AFF2: variants seen among roughly 807,000 people sequenced by gnomAD.
AFF2 encodes the protein ALF transcription elongation factor 2.
A neutral mutation model predicts 76.9 loss-of-function variants in AFF2; 14 were observed. The ratio of observed to expected loss-of-function variants is 0.18; its 90% CI spans 0.12 to 0.28. AFF2 has a LOEUF of 0.28. AFF2 is among the 10% of genes least tolerant of loss of function. AFF2 has a pLI of 1.00. For missense variants in AFF2, 868 were observed against 1,001.1 expected, an observed-to-expected ratio of 0.87 and a Z score of 1.79; for synonymous variants, 398 against 366.7, an observed-to-expected ratio of 1.09 and a Z score of -0.98.
intron 9 of AFF2, among the ~76,000 whole-genome samples, chrX:148,939,951 T>G (rs1381242698): frequency 3.6e-5 from 4 of 112,058 alleles, no homozygotes; most frequent in African/African-American, 1.3e-4. Flanking sequence ...CTGAAATGAG[T>G]ATTGAAATAT....
At chrX:148,865,759 A>G (rs1172683432) in intron 7 of AFF2, among the ~76,000 whole-genome samples, 1 of 111,938 alleles carries the variant, frequency 8.9e-6, no homozygotes, top group Non-Finnish European at 1.9e-5. Context: ...TTTCTTAGCC[A>G]GTGCACTGTA....
chrX:148,953,796 T>TC, intron 10 of AFF2, 57 bp downstream of exon 10: 1 of 894,924 alleles, frequency 1.1e-6, no homozygotes, highest in Non-Finnish European at 1.6e-6. Flanking sequence ...GGCAGCACCC[T>TC]CAACACACAC....
intron 1 of AFF2, among the ~76,000 whole-genome samples, chrX:148,549,310 T>G (rs185438049): frequency 1.8e-3 from 207 of 112,419 alleles, no homozygotes; most frequent in African/African-American, 6.5e-3. Flanking sequence ...GAAGAAGGAA[T>G]GGACAGACAA....
At chrX:148,632,166 A>T (rs1294513041) in intron 1 of AFF2, among the ~76,000 whole-genome samples, 2 of 112,255 alleles carry the variant, frequency 1.8e-5, no homozygotes, top group African/African-American at 6.5e-5. Flanking sequence ...ACAGAATTTC[A>T]TTAAAATTTC....
intron 4 of AFF2, among the ~76,000 whole-genome samples, chrX:148,831,845 A>C (rs1161303778): frequency 8.9e-6 from 1 of 111,935 alleles, no homozygotes; most frequent in African/African-American, 3.2e-5. Flanking sequence ...ATGGATACAA[A>C]GGGTCTAAAT....
At position 148,836,624 on chromosome X, in the gene AFF2, A is replaced by G. The variant is rs782741253; in HGVS notation, c.1087-1023A>G. Among the ~76,000 whole-genome samples the G allele has an allele frequency of 3.3e-3, 371 of 111,086 alleles. 1 individual carries two copies. The highest frequency in any genetic ancestry group is 4.4e-3 in the Non-Finnish European group (234 of 52,959). On this transcript the variant is annotated intron_variant, in intron 4 of 20. Transcript: ENST00000370460. ...TAATGCTTAATGGTTCTATATGAAA[A>G]TGATGACTCCAACACATGCTGACTC...
chrX:148,977,875 T>A (rs781966561), intron 16 of AFF2, 58 bp from the exon 17 acceptor site: 1 of 864,806 alleles, frequency 1.2e-6, no homozygotes, highest in Admixed American at 2.2e-5. Flanking sequence ...ACCAGTGACT[T>A]TAGGCATTTC....
At chrX:148,890,918 A>G (rs2071215524) in intron 8 of AFF2, among the ~76,000 whole-genome samples, 1 of 112,286 alleles carries the variant, frequency 8.9e-6, no homozygotes, top group African/African-American at 3.2e-5. Flanking sequence ...AATTAGACAT[A>G]GTGCTATGTA....
At chrX:148,844,768 GC>G (rs200730360) in intron 7 of AFF2, among the ~76,000 whole-genome samples, 1,926 of 111,111 alleles carry the variant, frequency 0.017, 20 homozygotes, top group Admixed American at 0.042. Context: ...CAGTAGCAAA[GC>G]CCCAAAGCCC....
At chrX:148,816,429 C>A (rs1380587551) in intron 4 of AFF2, among the ~76,000 whole-genome samples, 1 of 111,641 alleles carries the variant, frequency 9.0e-6, no homozygotes, top group East Asian at 2.8e-4. Flanking sequence ...ATAAGCCTGA[C>A]TCACAATTTA....
At chrX:148,643,675 G>C (rs781860688) in intron 1 of AFF2, among the ~76,000 whole-genome samples, 146 of 111,837 alleles carry the variant, frequency 1.3e-3, no homozygotes, top group African/African-American at 4.3e-3. Context: ...TGTGCATATG[G>C]AAGAGGACAA....
intron 1 of AFF2, among the ~76,000 whole-genome samples, chrX:148,568,748 A>G (rs1407085724): frequency 9.0e-6 from 1 of 111,651 alleles, no homozygotes; most frequent in Non-Finnish European, 1.9e-5. Context: ...ACAAATATAC[A>G]CTCTTGATCA....
intron 3 of AFF2, among the ~76,000 whole-genome samples, chrX:148,741,351 T>G (rs996338067): frequency 9.1e-6 from 1 of 110,386 alleles, no homozygotes; most frequent in African/African-American, 3.3e-5. Flanking sequence ...CCCAAGTCAC[T>G]GGAGTTATGT....
At position 148,657,380 on chromosome X, in the gene AFF2, CAT is replaced by C. The variant is rs199965882; in HGVS notation, c.181-4527_181-4526del. On this transcript the variant is annotated intron_variant, in intron 2 of 20. Transcript: ENST00000370460. Reference sequence around the variant, plus strand: ...TAGAAAAAGACAAATTACTAAATCACATGTTAGCCACAATAAAATAAAAGAAA... The same window carrying C: ...TAGAAAAAGACAAATTACTAAATCACGTTAGCCACAATAAAATAAAAGAAA... Among the ~76,000 whole-genome samples, 621 of 112,220 alleles carry C rather than the reference CAT, an allele frequency of 5.5e-3. 5 individuals carry two copies. The highest frequency in any genetic ancestry group is 0.019 in the African/African-American group (580 of 30,895).
chrX:148,977,322 G>A (rs782136448), intron 16 of AFF2, among the ~76,000 whole-genome samples: 1 of 109,550 alleles, frequency 9.1e-6, no homozygotes, highest in South Asian at 4.1e-4. Context: ...AAATATACAA[G>A]CATCATAAAT....
chrX:148,509,516 C>G (rs1444271019), intron 1 of AFF2, among the ~76,000 whole-genome samples: 1 of 111,984 alleles, frequency 8.9e-6, no homozygotes, highest in Non-Finnish European at 1.9e-5. Context: ...CCAAGAAGAG[C>G]TTTGGAAACA....
At chrX:148,598,518 C>A (rs1312111285) in intron 1 of AFF2, among the ~76,000 whole-genome samples, 2 of 112,445 alleles carry the variant, frequency 1.8e-5, no homozygotes, top group Non-Finnish European at 3.8e-5. Context: ...AAGGCACTAG[C>A]GTTCTCCTAT....
At chrX:148,558,168 A>G (rs2053072483) in intron 1 of AFF2, among the ~76,000 whole-genome samples, 1 of 112,436 alleles carries the variant, frequency 8.9e-6, no homozygotes, top group Admixed American at 9.4e-5. Flanking sequence ...TATCAAATGA[A>G]CAAAAGAATC....
chrX:148,601,080 G>A (rs1014160412), intron 1 of AFF2, among the ~76,000 whole-genome samples: 22 of 112,558 alleles, frequency 2.0e-4, no homozygotes, highest in Non-Finnish European at 2.8e-4. Flanking sequence ...TTCTGAGAGC[G>A]TTTCTTTTAC....
Sources: gnomAD v4.1 joint callset for allele counts (sites outside exome capture counted in the v4.1 genomes callset) on GRCh38, gnomAD v4.1.1 for gene constraint, MANE v1.5 for transcripts, NCBI Gene and HGNC (gene_info 2026-07-23, HGNC 2026-07-21) for gene names.